TRDN: variants seen among roughly 807,000 people sequenced by gnomAD.
The protein encoded by TRDN is triadin in skeletal muscle.
TRDN carries 161 observed loss-of-function variants against 149.7 expected under a neutral mutation model. The observed-to-expected ratio is 1.08, with a 90% CI of 0.95 to 1.23. The LOEUF (loss-of-function observed/expected upper bound fraction) is 1.23, where lower values mean the gene tolerates loss of function less well. Among genes scored for constraint, TRDN ranks in the 50% most tolerant of loss-of-function variants. The pLI is 0.00. For missense variants in TRDN, 896 were observed against 823.5 expected, an observed-to-expected ratio of 1.09 and a Z score of -1.08; for synonymous variants, 294 against 250.5, an observed-to-expected ratio of 1.17 and a Z score of -1.64.
chr6:123,348,278 T>C (rs917491627), intron 21 of TRDN, among the ~76,000 whole-genome samples: 1 of 152,134 alleles, frequency 6.6e-6, no homozygotes, highest in African/African-American at 2.4e-5. Flanking sequence ...GTAAATGTTG[T>C]GTAGAATATT....
chr6:123,549,067 A>G (rs1299510706), intron 2 of TRDN, among the ~76,000 whole-genome samples: 1 of 152,050 alleles, frequency 6.6e-6, no homozygotes, highest in Non-Finnish European at 1.5e-5. Context: ...TAAGACTGAT[A>G]GGCCCATTTA....
chr6:123,331,453 A>C (rs1461916790), intron 23 of TRDN, among the ~76,000 whole-genome samples: 1 of 152,090 alleles, frequency 6.6e-6, no homozygotes, highest in Non-Finnish European at 1.5e-5. Context: ...AGTTCCTCCT[A>C]GCTATACAAT....
At chr6:123,474,948 G>A (rs528807440) in intron 9 of TRDN, among the ~76,000 whole-genome samples, 2 of 151,924 alleles carry the variant, frequency 1.3e-5, no homozygotes, top group South Asian at 2.1e-4. Context: ...AAATTTAAGA[G>A]AAAGCAGGAA....
In TRDN at chr6:123,503,906, A is replaced by G; in HGVS notation, c.611-5T>C. The G allele has an allele frequency of 6.5e-7, 1 of 1,541,530 alleles. No homozygotes were observed. Among genetic ancestry groups the G allele is most frequent in the East Asian group, 2.4e-5 (1 of 41,816 alleles). ...CAGTCTTAGCTTTCTTCTGTTCTGT[A>G]TAAAGTTAAAAGATGTTGAAATACT... On this transcript the variant is annotated splice_polypyrimidine_tract_variant and splice_region_variant and intron_variant, in intron 7 of 40. Transcript: ENST00000334268.
chr6:123,492,942 C>T (rs1418640424), intron 9 of TRDN, among the ~76,000 whole-genome samples: 3 of 151,988 alleles, frequency 2.0e-5, no homozygotes, highest in Admixed American at 6.6e-5. Context: ...AATCTCTCCC[C>T]GACTCTCCTC....
chr6:123,222,292 C>A (rs764596792), intron 39 of TRDN, among the ~76,000 whole-genome samples: 4 of 151,330 alleles, frequency 2.6e-5, no homozygotes, highest in Non-Finnish European at 4.4e-5. Flanking sequence ...GGTTCTAGAG[C>A]GGTTCCCCTC....
At chr6:123,520,433 A>G (rs533344048) in intron 5 of TRDN, among the ~76,000 whole-genome samples, 1 of 152,252 alleles carries the variant, frequency 6.6e-6, no homozygotes, top group Non-Finnish European at 1.5e-5. Context: ...CTTCAAAACT[A>G]CGCAGCCATG....
At chr6:123,228,980 T>A (rs1775492826) in intron 38 of TRDN, among the ~76,000 whole-genome samples, 1 of 151,894 alleles carries the variant, frequency 6.6e-6, no homozygotes, top group South Asian at 2.1e-4. Context: ...AATGAAGAGG[T>A]AAGCATAATA....
At chr6:123,559,779 C>A (rs1781879845) in intron 2 of TRDN, among the ~76,000 whole-genome samples, 1 of 152,214 alleles carries the variant, frequency 6.6e-6, no homozygotes, top group Admixed American at 6.5e-5. Context: ...GCCTTATCAA[C>A]CAAATTGTTT....
intron 24 of TRDN, among the ~76,000 whole-genome samples, chr6:123,313,682 G>T (rs1307350228): frequency 1.3e-5 from 2 of 151,788 alleles, no homozygotes; most frequent in African/African-American, 4.8e-5. Context: ...TAGACCGATA[G>T]AACAGATTAG....
intron 14 of TRDN, among the ~76,000 whole-genome samples, chr6:123,387,039 A>G (rs933439571): frequency 2.6e-5 from 4 of 152,218 alleles, no homozygotes; most frequent in Non-Finnish European, 5.9e-5. Flanking sequence ...ACACTTGTAG[A>G]GTACATTCAG....
At chr6:123,403,121 C>T (rs1276626816) in intron 12 of TRDN, among the ~76,000 whole-genome samples, 1 of 152,226 alleles carries the variant, frequency 6.6e-6, no homozygotes, top group East Asian at 1.9e-4. Flanking sequence ...TTCAGACTAC[C>T]ATCCTATCAA....
rs960685734 is a variant in TRDN at position 123,496,947 on chromosome 6, T to C, written c.853+246A>G. 2.0e-4 allele frequency among the ~76,000 whole-genome samples: 31 copies of C among 152,058 alleles called. No homozygotes were observed. The highest frequency in any genetic ancestry group is 3.8e-4 in the Non-Finnish European group (26 of 67,926). ...TTATTAAAGATTTTAGCATTCCTTA[T>C]ATGGAGAGATATTAGCACATATTTT... On this transcript the variant is annotated intron_variant, in intron 9 of 40. Coordinates refer to ENST00000334268, the MANE Select transcript of TRDN (RefSeq NM_006073.4).
intron 14 of TRDN, among the ~76,000 whole-genome samples, chr6:123,385,951 TC>T (rs757462785): frequency 6.6e-6 from 1 of 152,126 alleles, no homozygotes; most frequent in Non-Finnish European, 1.5e-5. Flanking sequence ...TAAAAAAAAA[TC>T]ATTCCTTGCC....
chr6:123,461,166 G>C (rs929992698), intron 10 of TRDN, among the ~76,000 whole-genome samples: 1 of 152,092 alleles, frequency 6.6e-6, no homozygotes, highest in Admixed American at 6.5e-5. Flanking sequence ...GACTATTTAA[G>C]TTTGGTTCAT....
intron 24 of TRDN, among the ~76,000 whole-genome samples, chr6:123,306,714 A>G (rs1778624602): frequency 6.6e-6 from 1 of 152,116 alleles, no homozygotes; most frequent in South Asian, 2.1e-4. Flanking sequence ...CTTTCTTAAT[A>G]AATCCTCTAA....
chr6:123,420,315 C>T (rs1773842330), intron 12 of TRDN, among the ~76,000 whole-genome samples: 2 of 151,992 alleles, frequency 1.3e-5, no homozygotes, highest in South Asian at 4.1e-4. Context: ...TAAAAGATGG[C>T]AGCTGAAATA....
intron 9 of TRDN, among the ~76,000 whole-genome samples, chr6:123,494,269 C>T (rs1233266739): frequency 1.3e-5 from 2 of 152,138 alleles, no homozygotes; most frequent in East Asian, 3.9e-4. Flanking sequence ...TTTAGAAGGG[C>T]TCTCTCTGTG....
At chr6:123,599,286 A>T (rs1490979590) in intron 1 of TRDN, among the ~76,000 whole-genome samples, 1 of 152,054 alleles carries the variant, frequency 6.6e-6, no homozygotes, top group African/African-American at 2.4e-5. Flanking sequence ...CGTGGATATG[A>T]TCATTGGGGT....
Sources: gnomAD v4.1 joint callset for allele counts (sites outside exome capture counted in the v4.1 genomes callset) on GRCh38, gnomAD v4.1.1 for gene constraint, MANE v1.5 for transcripts, NCBI Gene and HGNC (gene_info 2026-07-23, HGNC 2026-07-21) for gene names.